Variants in NAPEPLD observed in about 807,000 individuals in gnomAD.
NAPEPLD encodes the protein N-acyl phosphatidylethanolamine phospholipase D, also known as N-acyl-phosphatidylethanolamine-hydrolyzing phospholipase D.
NAPEPLD carries 23 observed loss-of-function variants against 38.1 expected under a neutral mutation model. That is an observed-to-expected ratio of 0.60 (90% CI 0.43 to 0.86). NAPEPLD has a LOEUF of 0.86. Ranked by LOEUF, NAPEPLD falls within the 40% of genes least tolerant of loss-of-function variation. The probability of loss-of-function intolerance (pLI) is 0.00; values close to 1 mark genes in which losing one functional copy is unlikely to be tolerated. For synonymous variants in NAPEPLD, 147 were observed against 162.0 expected, an observed-to-expected ratio of 0.91 and a Z score of 0.71; for missense variants, 411 against 476.8, an observed-to-expected ratio of 0.86 and a Z score of 1.28.
intron 2 of NAPEPLD, chr7:103,126,766 C>T (rs1333760344): frequency 6.7e-6 from 1 of 148,538 alleles, no homozygotes; most frequent in Non-Finnish European, 1.5e-5. Context: ...TCTATTGCAC[C>T]TGGCTAATTT....
intron 4 of NAPEPLD, among the ~76,000 whole-genome samples, chr7:103,109,813 A>G (rs1176035601): frequency 6.7e-6 from 1 of 148,900 alleles, no homozygotes; most frequent in Admixed American, 6.7e-5. Context: ...CAGGAGCTGG[A>G]TTCATTAGCC....
intron 1 of NAPEPLD, among the ~76,000 whole-genome samples, chr7:103,142,451 C>CA (rs1446442595): frequency 6.6e-6 from 1 of 151,974 alleles, no homozygotes; most frequent in Non-Finnish European, 1.5e-5. Flanking sequence ...ACTAAAAATA[C>CA]AAAAAATAGC....
Position 103,149,006 on chromosome 7 carries a change from C to T in NAPEPLD, c.-212G>A. ...GCCCTGTCGCTCACAAGTGCGGCAT[C>T]TCCGAGATGAGGGAGGGCTCGGGGA... On this transcript the variant is annotated 5_prime_UTR_variant, in exon 1 of 5. Transcript: ENST00000465647. The T allele has an allele frequency of 1.0e-6, 1 of 985,456 alleles. No individual in the cohort carries two copies. The allele number at this position is 985,456 out of a possible 1,614,324, so 61.0% of individuals were successfully genotyped here.
chr7:103,115,448 A>C, intron 3 of NAPEPLD: 1 of 291,358 alleles, frequency 3.4e-6, no homozygotes, highest in Non-Finnish European at 6.3e-6. Flanking sequence ...CTTTCTGCTG[A>C]AAAATAAAAC....
rs1802264467 is a variant in NAPEPLD at position 103,100,618 on chromosome 7, A to T, written c.*2811T>A. On this transcript the variant is annotated 3_prime_UTR_variant, in exon 5 of 5. Transcript: ENST00000465647. ...CAGTTATCACAGGAAACTTCAATAA[A>T]ATCTTACATATTGCTATGGGTATTC... 1 of 152,212 alleles carries T rather than the reference A, an allele frequency of 6.6e-6. No individual in the cohort carries two copies. The highest frequency in any genetic ancestry group is 1.5e-5 in the Non-Finnish European group (1 of 68,028). 9.4% of individuals were successfully genotyped at this position (152,212 alleles called of 1,614,324 possible).
rs1311812338 is a variant in NAPEPLD, at chr7:103,102,799, G to A, written c.*630C>T. 6.6e-6 allele frequency: 1 copy of A among 152,566 alleles called. No homozygotes were observed. The highest frequency in any genetic ancestry group is 1.5e-5 in the Non-Finnish European group (1 of 68,036). 9.5% of individuals were successfully genotyped at this position (152,566 alleles called of 1,614,324 possible). A position where few individuals can be genotyped will look rare whatever the true frequency, so the allele number is the denominator to read the frequency against. Reference sequence around the variant, plus strand: ...GGTAAATGTTTAAAATGGCAAATATGTATTTATATATTTTACCACAATAGA... The same window carrying A: ...GGTAAATGTTTAAAATGGCAAATATATATTTATATATTTTACCACAATAGA... On this transcript the variant is annotated 3_prime_UTR_variant, in exon 5 of 5. Transcript: ENST00000465647.
chr7:103,108,573 C>T (rs1803882621), intron 4 of NAPEPLD, among the ~76,000 whole-genome samples: 1 of 152,180 alleles, frequency 6.6e-6, no homozygotes, highest in African/African-American at 2.4e-5. Flanking sequence ...GCCTGCCTTA[C>T]AAGAGCTCCT....
chr7:103,131,157 TCATATA>T (rs1158902852), intron 1 of NAPEPLD, among the ~76,000 whole-genome samples: 2 of 152,284 alleles, frequency 1.3e-5, no homozygotes, highest in Middle Eastern at 3.4e-3. Flanking sequence ...TCTGTATTTG[TCATATA>T]CATATACATA....
intron 4 of NAPEPLD, among the ~76,000 whole-genome samples, chr7:103,112,629 G>A (rs1301521860): frequency 6.6e-6 from 1 of 152,232 alleles, no homozygotes; most frequent in Non-Finnish European, 1.5e-5. Context: ...GGGAGGGATA[G>A]CATTAGGAGA....
intron 3 of NAPEPLD, among the ~76,000 whole-genome samples, chr7:103,118,142 C>T (rs1399824934): frequency 6.6e-6 from 1 of 152,140 alleles, no homozygotes; most frequent in Non-Finnish European, 1.5e-5. Context: ...GAGCCGAGAT[C>T]GTGCCACTGC....
At chr7:103,130,848 C>T (rs184644040) in intron 1 of NAPEPLD, among the ~76,000 whole-genome samples, 19 of 152,218 alleles carry the variant, frequency 1.2e-4, no homozygotes, top group African/African-American at 4.3e-4. Flanking sequence ...CTGCTTGCCT[C>T]CTCGGACTCA....
chr7:103,112,175 C>T (rs1563348450), intron 4 of NAPEPLD, among the ~76,000 whole-genome samples: 1 of 152,106 alleles, frequency 6.6e-6, no homozygotes, highest in East Asian at 1.9e-4. Context: ...TTAGTTCAAC[C>T]ACTGTGGAAG....
rs574377073 is a variant in NAPEPLD at position 103,120,745 on chromosome 7, GCT to G, written c.295-524_295-523del. Among the ~76,000 whole-genome samples, 158 of 109,278 alleles carry G rather than the reference GCT, an allele frequency of 1.4e-3. 1 individual carries two copies. Among genetic ancestry groups the G allele is most frequent in the Non-Finnish European group, 1.3e-3 (75 of 59,264 alleles). 71.7% of individuals were successfully genotyped at this position (109,278 alleles called of 152,430 possible). On this transcript the variant is annotated intron_variant, in intron 2 of 4. Coordinates refer to ENST00000465647, the MANE Select transcript of NAPEPLD (RefSeq NM_001122838.3). ...TTTTTTTTGTCTGAGACAGGCTCTC[GCT>G]CTGTTACCCAGGCTGGGGTGCAGTG...
rs1346937086 is a variant in NAPEPLD, at chr7:103,101,894, A to C, written c.*1535T>G. The C allele has an allele frequency of 6.6e-6, 1 of 152,152 alleles. No homozygotes were observed. Among genetic ancestry groups the C allele is most frequent in the East Asian group, 1.9e-4 (1 of 5,198 alleles). 9.4% of individuals were successfully genotyped at this position (152,152 alleles called of 1,614,324 possible). A position where few individuals can be genotyped will look rare whatever the true frequency, so the allele number is the denominator to read the frequency against. On this transcript the variant is annotated 3_prime_UTR_variant, in exon 5 of 5. Coordinates refer to ENST00000465647, the MANE Select transcript of NAPEPLD (RefSeq NM_001122838.3). ...TGCTGAGACTGGATTAGGAATACAG[A>C]ATGGGCCTCCAGTGGTATCTAATCC...
At chr7:103,128,379 C>A in intron 2 of NAPEPLD, 104 bp downstream of exon 2, 1 of 1,346,594 alleles carries the variant, frequency 7.4e-7, no homozygotes, top group Non-Finnish European at 1.0e-6. Flanking sequence ...TCCACTTTAT[C>A]TCCTCAGACC....
rs1811403810 is a variant in NAPEPLD, at chr7:103,141,677, C to T, written c.-17+7134G>A. 14 of 909,982 alleles carry T rather than the reference C, an allele frequency of 1.5e-5. No homozygotes were observed. In the East Asian group the frequency reaches 2.4e-4, roughly 16 times the overall value. The allele number at this position is 909,982 out of a possible 1,614,324, so 56.4% of individuals were successfully genotyped here. On this transcript the variant is annotated intron_variant, in intron 1 of 4. Transcript: ENST00000465647. The stretch of plus-strand genomic sequence containing the variant: ...CATCCACGTGACCTTCTCTGGCATT[C>T]GGGCATTGGCTGTACCCTTCCGCTT...
At chr7:103,111,105 A>G (rs1172473798) in intron 4 of NAPEPLD, among the ~76,000 whole-genome samples, 2 of 152,190 alleles carry the variant, frequency 1.3e-5, no homozygotes, top group Non-Finnish European at 2.9e-5. Context: ...CAAGGAAATA[A>G]GAGAGGACAC....
In NAPEPLD at chr7:103,119,669, T is replaced by G. The variant is rs754942947; in HGVS notation, c.849A>C (p.Gly283=). Residue 283 remains glycine (G), a synonymous_variant, in exon 3 of 5, where the codon GGA becomes GGC. Transcript: ENST00000465647. ...LGPWNRFFFA[G]DTGYCPAFEE... ...CAAAAGCAGGGCAATAACCAGTATC[T>G]CCTGCGAAAAAAAATCGATTCCAAG... 6.2e-7 allele frequency: 1 copy of G among 1,614,092 alleles called. No homozygotes were observed. The highest frequency in any genetic ancestry group is 8.5e-7 in the Non-Finnish European group (1 of 1,180,020).
intron 1 of NAPEPLD, 71 bp downstream of exon 1, chr7:103,148,740 G>T: frequency 1.2e-6 from 1 of 863,794 alleles, no homozygotes; most frequent in Non-Finnish European, 1.4e-6. Context: ...TATAGATGAA[G>T]CAACAATAAG....
Sources: allele counts gnomAD v4.1 joint callset (sites outside exome capture counted in the v4.1 genomes callset), GRCh38; gene constraint gnomAD v4.1.1; transcripts MANE v1.5; gene names NCBI Gene and HGNC (gene_info 2026-07-23, HGNC 2026-07-21).